SAMD5: variants seen among roughly 807,000 people sequenced by gnomAD.
The protein encoded by SAMD5 is sterile alpha motif domain-containing protein 5.
Under a neutral mutation model 11.3 loss-of-function variants are expected in SAMD5, and 13 were observed. That is an observed-to-expected ratio of 1.15 (90% CI 0.75 to 1.83). The LOEUF (loss-of-function observed/expected upper bound fraction) is 1.83, where lower values mean the gene tolerates loss of function less well. Ranked by LOEUF, SAMD5 falls within the 40% of genes most tolerant of loss-of-function variation. The pLI, the probability that SAMD5 is intolerant of heterozygous loss-of-function variation, is 0.00. For synonymous variants in SAMD5, 129 were observed against 111.3 expected, an observed-to-expected ratio of 1.16 and a Z score of -1.00; for missense variants, 255 against 239.1, an observed-to-expected ratio of 1.07 and a Z score of -0.44.
intron 1 of SAMD5, among the ~76,000 whole-genome samples, chr6:147,635,402 G>T (rs928095501): frequency 6.6e-6 from 1 of 152,124 alleles, no homozygotes; most frequent in African/African-American, 2.4e-5. Flanking sequence ...AATATCACCA[G>T]TTTTACATAT....
chr6:147,576,067 A>G (rs1789212689), intron 1 of SAMD5, among the ~76,000 whole-genome samples: 1 of 152,170 alleles, frequency 6.6e-6, no homozygotes, highest in Non-Finnish European at 1.5e-5. Flanking sequence ...CTATGTTTTC[A>G]TTAGAATTCT....
intron 1 of SAMD5, among the ~76,000 whole-genome samples, chr6:147,524,031 G>A (rs1330603959): frequency 6.6e-6 from 1 of 152,232 alleles, no homozygotes; most frequent in East Asian, 1.9e-4. Context: ...TAGAGAGTCA[G>A]AGTTAGGTTG....
chr6:147,827,560 C>A, the SAMD5 span, among the ~76,000 whole-genome samples: 1 of 152,102 alleles, frequency 6.6e-6, no homozygotes, highest in Non-Finnish European at 1.5e-5. Flanking sequence ...AATAGTGGAG[C>A]CCGAGCCAAG....
downstream of SAMD5, among the ~76,000 whole-genome samples, chr6:147,574,252 G>C (rs1396648654): frequency 1.3e-5 from 2 of 152,002 alleles, no homozygotes; most frequent in Non-Finnish European, 2.9e-5. Flanking sequence ...CACTTTCCAT[G>C]TATTATCCCA....
At chr6:147,704,227 G>C (rs1193872188) in intron 1 of SAMD5, among the ~76,000 whole-genome samples, 4 of 152,002 alleles carry the variant, frequency 2.6e-5, no homozygotes, top group African/African-American at 7.2e-5. Flanking sequence ...AAACACCTTA[G>C]TTTTAATATT....
the SAMD5 span, among the ~76,000 whole-genome samples, chr6:147,823,431 T>G: frequency 3.4e-5 from 5 of 146,854 alleles, no homozygotes; most frequent in East Asian, 9.7e-4. Context: ...TTAACTCCAG[T>G]GGCATAAAAA....
At chr6:147,509,555 G>T (rs1788055689) in intron 1 of SAMD5, among the ~76,000 whole-genome samples, 168 bp downstream of exon 1, 1 of 152,048 alleles carries the variant, frequency 6.6e-6, no homozygotes, top group Non-Finnish European at 1.5e-5. Context: ...CCATTATTTC[G>T]TCCTTCCTGG....
At chr6:147,818,016 G>A in the SAMD5 span, among the ~76,000 whole-genome samples, 1 of 152,116 alleles carries the variant, frequency 6.6e-6, no homozygotes, top group East Asian at 1.9e-4. Context: ...TAGTTAAAAG[G>A]GTAGCTTACT....
the SAMD5 span, among the ~76,000 whole-genome samples, chr6:147,769,523 C>G: frequency 4.3e-4 from 65 of 152,178 alleles, no homozygotes; most frequent in Non-Finnish European, 7.9e-4. Flanking sequence ...CTTTCCTCTG[C>G]TGCCTTACTT....
chr6:147,878,621 GTATA>G, the SAMD5 span, among the ~76,000 whole-genome samples: 9 of 142,836 alleles, frequency 6.3e-5, no homozygotes, highest in South Asian at 2.0e-3. Context: ...AGATATATAT[GTATA>G]TATATCTATA....
chr6:147,879,917 C>T, the SAMD5 span, among the ~76,000 whole-genome samples: 1 of 152,144 alleles, frequency 6.6e-6, no homozygotes, highest in Non-Finnish European at 1.5e-5. Flanking sequence ...AGAAGGAAAA[C>T]AGAACTTACC....
chr6:147,904,000 T>C, the SAMD5 span, among the ~76,000 whole-genome samples: 1 of 152,136 alleles, frequency 6.6e-6, no homozygotes, highest in Admixed American at 6.5e-5. Context: ...AGTCCCCAGA[T>C]TTCTTTGTCT....
At chr6:147,928,578 T>A in the SAMD5 span, among the ~76,000 whole-genome samples, 4 of 152,168 alleles carry the variant, frequency 2.6e-5, no homozygotes, top group African/African-American at 9.6e-5. Context: ...TTAGTCTAGC[T>A]GGTGGCCTAT....
rs140055304 is a variant in SAMD5, at chr6:147,591,690, A to G, written c.162+82303A>G. On this transcript the variant is annotated intron_variant, in intron 1 of 1. Transcript: ENST00000566741. The stretch of plus-strand genomic sequence containing the variant: ...AGTTTTCCATGGAAATGGGGATTTT[A>G]TTCATTTAGAAATAGGGGATTTTCA... Among the ~76,000 whole-genome samples the G allele has an allele frequency of 2.0e-5, 3 of 152,282 alleles. No homozygotes were observed. The East Asian group carries it at 5.8e-4, about 29-fold the overall frequency.
the SAMD5 span, among the ~76,000 whole-genome samples, chr6:147,743,758 A>C: frequency 5.9e-5 from 9 of 152,194 alleles, no homozygotes; most frequent in Non-Finnish European, 8.8e-5. Context: ...TTAATTCACA[A>C]TAGGCATTTT....
Position 147,625,360 on chromosome 6 carries a change from C to A in SAMD5, c.163-111957C>A, listed in dbSNP as rs117558837. Among the ~76,000 whole-genome samples, 575 of 152,258 alleles carry A rather than the reference C, an allele frequency of 3.8e-3. 4 individuals carry two copies. The highest frequency in any genetic ancestry group is 0.01 in the Middle Eastern group (3 of 294). ...TTAGTGCCAGGAGGGACTCATGTTT[C>A]ATTTAGTCTAACTCTCATGCTACCA... On this transcript the variant is annotated intron_variant, in intron 1 of 1. Coordinates refer to the SAMD5 transcript ENST00000566741.
chr6:147,804,465 C>T, the SAMD5 span, among the ~76,000 whole-genome samples: 2 of 152,136 alleles, frequency 1.3e-5, no homozygotes, highest in African/African-American at 4.8e-5. Flanking sequence ...AGAACAAAGT[C>T]CTCCCCATCT....
chr6:147,883,355 C>A, the SAMD5 span, among the ~76,000 whole-genome samples: 4 of 152,110 alleles, frequency 2.6e-5, no homozygotes, highest in Non-Finnish European at 5.9e-5. Flanking sequence ...TGGGTTGGAG[C>A]AGATCTGAGT....
chr6:147,701,415 C>A (rs1049227525), intron 1 of SAMD5, among the ~76,000 whole-genome samples: 1 of 152,172 alleles, frequency 6.6e-6, no homozygotes, highest in African/African-American at 2.4e-5. Flanking sequence ...AGGTGGATCA[C>A]CTGTGGCCAG....
Sources: gnomAD v4.1 joint callset for allele counts (sites outside exome capture counted in the v4.1 genomes callset) on GRCh38, gnomAD v4.1.1 for gene constraint, MANE v1.5 for transcripts, NCBI Gene and HGNC (gene_info 2026-07-23, HGNC 2026-07-21) for gene names.